Variants in CSE1L observed in about 807,000 individuals in gnomAD.
The protein encoded by CSE1L is exportin-2.
In CSE1L, 24 loss-of-function variants were observed where a neutral mutation model predicts 120.4. The observed-to-expected ratio is 0.20, with a 90% CI of 0.14 to 0.28. The LOEUF is 0.28. Ranked by LOEUF, CSE1L falls within the 10% of genes least tolerant of loss-of-function variation. The probability of loss-of-function intolerance (pLI) is 1.00; values close to 1 mark genes in which losing one functional copy is unlikely to be tolerated. For missense variants in CSE1L, 830 were observed against 1,145.2 expected (o/e 0.72, Z 3.97); for synonymous variants, 402 against 398.3 (o/e 1.01, Z -0.11).
Position 49,065,313 on chromosome 20 carries a change from ATTTTTTTT to A in CSE1L, c.229-859_229-852del, listed in dbSNP as rs376073464. On this transcript the variant is annotated intron_variant, in intron 3 of 24. Coordinates refer to ENST00000262982, the MANE Select transcript of CSE1L (RefSeq NM_001316.4). ...AGTTTACATATGAAATGAAAAAAAA[ATTTTTTTT>A]TTTTTTTTTTTTTTTTTTTGAGAGG... Among the ~76,000 whole-genome samples the A allele has an allele frequency of 1.6e-3, 82 of 52,118 alleles. 1 individual carries two copies. The highest frequency in any genetic ancestry group is 4.5e-3 in the African/African-American group (71 of 15,818). 34.2% of individuals were successfully genotyped at this position (52,118 alleles called of 152,430 possible). A position where few individuals can be genotyped will look rare whatever the true frequency, so the allele number is the denominator to read the frequency against.
intron 16 of CSE1L, among the ~76,000 whole-genome samples, chr20:49,087,351 C>CTTTTTTTTT (rs11483071): frequency 1.1e-4 from 13 of 116,280 alleles, no homozygotes; most frequent in African/African-American, 3.6e-4. Flanking sequence ...TTTTCTTTTT[C>CTTTTTTTTT]TTTTTTTTTT....
At chr20:49,066,656 C>A in intron 5 of CSE1L, 146 bp downstream of exon 5, 1 of 714,762 alleles carries the variant, frequency 1.4e-6, no homozygotes, top group Non-Finnish European at 2.3e-6. Context: ...GCGTTTGTTT[C>A]TTCTCAACTA....
intron 2 of CSE1L, among the ~76,000 whole-genome samples, chr20:49,061,157 A>G (rs1393095672): frequency 6.7e-6 from 1 of 149,894 alleles, no homozygotes; most frequent in South Asian, 2.1e-4. Flanking sequence ...TGTTGCCAAC[A>G]CTATTAAAAA....
intron 17 of CSE1L, among the ~76,000 whole-genome samples, chr20:49,088,347 G>A (rs986072910): frequency 1.3e-5 from 2 of 152,178 alleles, no homozygotes; most frequent in Non-Finnish European, 2.9e-5. Flanking sequence ...AAAGTAACAT[G>A]TTTATTGTAG....
At chr20:49,077,577 C>T (rs2091979196) in intron 13 of CSE1L, among the ~76,000 whole-genome samples, 1 of 152,166 alleles carries the variant, frequency 6.6e-6, no homozygotes, top group African/African-American at 2.4e-5. Flanking sequence ...ATAAATACAA[C>T]TAAACTGTAA....
intron 6 of CSE1L, 59 bp downstream of exon 6, chr20:49,067,339 GT>G: frequency 8.9e-7 from 1 of 1,119,282 alleles, no homozygotes; most frequent in Non-Finnish European, 1.3e-6. Context: ...TTGAATGTTT[GT>G]ATACATGTTA....
intron 2 of CSE1L, among the ~76,000 whole-genome samples, 195 bp downstream of exon 2, chr20:49,058,743 C>CT (rs939889415): frequency 1.3e-5 from 2 of 152,102 alleles, no homozygotes; most frequent in Non-Finnish European, 2.9e-5. Context: ...TATTTGGCAT[C>CT]TTCTGGGATT....
chr20:49,074,373 T>C (rs1412977788), intron 10 of CSE1L, among the ~76,000 whole-genome samples: 3 of 152,048 alleles, frequency 2.0e-5, no homozygotes, highest in Non-Finnish European at 4.4e-5. Flanking sequence ...GCCGGCCATT[T>C]CTGACATTGT....
At chr20:49,063,174 G>C in intron 2 of CSE1L, 28 bp from the exon 3 acceptor site, 1 of 1,467,302 alleles carries the variant, frequency 6.8e-7, no homozygotes, top group East Asian at 2.4e-5. Context: ...TTTTATCTTA[G>C]TCTTTTAACA....
chr20:49,068,894 A>G, intron 7 of CSE1L, 72 bp downstream of exon 7: 1 of 1,070,930 alleles, frequency 9.3e-7, no homozygotes, highest in Non-Finnish European at 1.4e-6. Flanking sequence ...TCTGTTTGAT[A>G]AAGACTTCTT....
At chr20:49,067,910 CTTTTTTTTTCCCTCTCTCTTTT>C (rs2091905300) in intron 6 of CSE1L, among the ~76,000 whole-genome samples, 2 of 82,974 alleles carry the variant, frequency 2.4e-5, no homozygotes, top group African/African-American at 5.4e-5. Flanking sequence ...TGCTTTTTCT[CTTTTTTTTTCCCTCTCTCTTTT>C]TTTTTTTTTT....
intron 14 of CSE1L, among the ~76,000 whole-genome samples, chr20:49,083,679 A>C (rs778579393): frequency 2.4e-4 from 37 of 152,220 alleles, no homozygotes; most frequent in Non-Finnish European, 5.1e-4. Flanking sequence ...AATGAGACAC[A>C]AAAAGGTTAA....
intron 2 of CSE1L, among the ~76,000 whole-genome samples, chr20:49,060,581 G>A (rs1010742417): frequency 6.6e-6 from 1 of 151,924 alleles, no homozygotes; most frequent in African/African-American, 2.4e-5. Flanking sequence ...TTTGAGACCA[G>A]CCTGGCCAAC....
intron 14 of CSE1L, among the ~76,000 whole-genome samples, chr20:49,082,619 A>C (rs1239393359): frequency 6.6e-6 from 1 of 152,150 alleles, no homozygotes; most frequent in Non-Finnish European, 1.5e-5. Flanking sequence ...TCCTGGGTTC[A>C]TGCCATTCTC....
At chr20:49,089,467 A>G in intron 18 of CSE1L, 70 bp downstream of exon 18, 1 of 1,596,150 alleles carries the variant, frequency 6.3e-7, no homozygotes, top group South Asian at 1.1e-5. Context: ...CAGCCCACCT[A>G]AGCGATGTGG....
chr20:49,080,794 G>A (rs1286560018), intron 14 of CSE1L, among the ~76,000 whole-genome samples: 1 of 151,896 alleles, frequency 6.6e-6, no homozygotes, highest in Non-Finnish European at 1.5e-5. Context: ...TTATTTTTGA[G>A]ACAAAGTCTT....
Position 49,090,851 on chromosome 20 carries a change from T to G in CSE1L, c.2279+12T>G, listed in dbSNP as rs775146058. Reference sequence around the variant, plus strand: ...GAGCACATGCCTCCGTGAGTATGACTAGAACTTTGTGCATTTATTTAGAAA... The same window carrying G: ...GAGCACATGCCTCCGTGAGTATGACGAGAACTTTGTGCATTTATTTAGAAA... On this transcript the variant is annotated intron_variant, in intron 20 of 24. Coordinates refer to ENST00000262982, the MANE Select transcript of CSE1L (RefSeq NM_001316.4). 1 of 1,608,200 alleles carries G rather than the reference T, an allele frequency of 6.2e-7. No individual in the cohort carries two copies. The highest frequency in any genetic ancestry group is 8.5e-7 in the Non-Finnish European group (1 of 1,176,366).
chr20:49,085,330 A>G lies in CSE1L; in HGVS notation c.1667A>G (p.Asn556Ser), dbSNP rs2092046885. Residue 556 changes from asparagine (N) to serine (S), a missense_variant, in exon 16 of 25, where the codon AAC becomes AGC. By Grantham distance (46) the Asn-to-Ser change is conservative. This residue lies in a region of CSE1L where 168 missense variants were observed against 267.9 expected (regional missense o/e 0.63). Transcript: ENST00000262982. ...CCGTTTGTTGAGATTCTGCTAACAA[A>G]CCTTTTCAAAGCTCTCACACTTCCT... ...IAPFVEILLTNLFKALTLPGS... is the reference protein window; with the variant it reads ...IAPFVEILLTSLFKALTLPGS... 3 of 1,613,890 alleles carry G rather than the reference A, an allele frequency of 1.9e-6. No homozygotes were observed. Among genetic ancestry groups the G allele is most frequent in the Non-Finnish European group, 2.5e-6 (3 of 1,179,964 alleles).
chr20:49,074,506 A>G (rs1362549626), intron 10 of CSE1L, among the ~76,000 whole-genome samples: 1 of 152,146 alleles, frequency 6.6e-6, no homozygotes, highest in African/African-American at 2.4e-5. Flanking sequence ...ACTGATCCCT[A>G]ACATTTTTGA....
Sources: allele counts gnomAD v4.1 joint callset (sites outside exome capture counted in the v4.1 genomes callset), GRCh38; gene constraint gnomAD v4.1.1; regional missense constraint gnomAD v4.1.1; transcripts MANE v1.5; gene names NCBI Gene and HGNC (gene_info 2026-07-23, HGNC 2026-07-21).